Variants in UVRAG observed in about 807,000 individuals in gnomAD.
UVRAG encodes the protein UV radiation resistance-associated gene protein.
Under a neutral mutation model 78.0 loss-of-function variants are expected in UVRAG, and 19 were observed. The observed-to-expected ratio is 0.24, with a 90% CI of 0.17 to 0.36. The LOEUF is 0.36. UVRAG is among the 10% of genes least tolerant of loss of function. UVRAG has a pLI of 1.00. For missense variants in UVRAG, 740 were observed against 853.8 expected, an observed-to-expected ratio of 0.87 and a Z score of 1.66; for synonymous variants, 323 against 324.6, an observed-to-expected ratio of 1.00 and a Z score of 0.05.
chr11:75,893,188 GA>G (rs1165502803), intron 5 of UVRAG, among the ~76,000 whole-genome samples: 2 of 149,248 alleles, frequency 1.3e-5, no homozygotes, highest in African/African-American at 5.0e-5. Flanking sequence ...AAAAAAAAAA[GA>G]AAAAAAGAAG....
At chr11:75,857,488 T>TCCCCC (rs370170667) in intron 2 of UVRAG, among the ~76,000 whole-genome samples, 16 of 148,498 alleles carry the variant, frequency 1.1e-4, no homozygotes, top group African/African-American at 3.8e-4. Flanking sequence ...TCTTTCTTTT[T>TCCCCC]CCCCCCCCCT....
chr11:75,883,386 A>G (rs1001631883), intron 4 of UVRAG, among the ~76,000 whole-genome samples: 5 of 151,276 alleles, frequency 3.3e-5, no homozygotes, highest in African/African-American at 1.2e-4. Flanking sequence ...AAAAAAAGAA[A>G]AGAAAAAAAA....
At chr11:76,074,843 A>G (rs1374117389) in intron 13 of UVRAG, among the ~76,000 whole-genome samples, 2 of 152,332 alleles carry the variant, frequency 1.3e-5, no homozygotes, top group Admixed American at 1.3e-4. Context: ...AAGAGCTAAA[A>G]TTAGAACCTG....
chr11:75,911,609 C>A, intron 5 of UVRAG: 1 of 195,364 alleles, frequency 5.1e-6, no homozygotes, highest in South Asian at 1.1e-4. Flanking sequence ...CAAATCTGCT[C>A]TGCCCCCTCG....
chr11:75,962,203 G>T (rs1320625896), intron 7 of UVRAG, among the ~76,000 whole-genome samples: 1 of 151,758 alleles, frequency 6.6e-6, no homozygotes, highest in Non-Finnish European at 1.5e-5. Context: ...GCTGTGGATT[G>T]GACTTAAAAT....
intron 12 of UVRAG, among the ~76,000 whole-genome samples, chr11:76,064,700 CTTTAT>C (rs1414900569): frequency 1.3e-5 from 2 of 152,186 alleles, no homozygotes; most frequent in East Asian, 3.9e-4. Context: ...ATTCTATTTC[CTTTAT>C]TTTATTTTCT....
intron 12 of UVRAG, 141 bp from the exon 13 acceptor site, chr11:76,065,569 G>T: frequency 1.6e-6 from 1 of 628,110 alleles, no homozygotes; most frequent in South Asian, 2.2e-5. Context: ...GATGTCAGTA[G>T]ATTGCAATGA....
chr11:75,817,173 T>A (rs1400034320), intron 1 of UVRAG, among the ~76,000 whole-genome samples: 1 of 152,032 alleles, frequency 6.6e-6, no homozygotes, highest in Non-Finnish European at 1.5e-5. Context: ...AGGTAGAGTG[T>A]GAGAGTGGTT....
intron 1 of UVRAG, among the ~76,000 whole-genome samples, chr11:75,844,291 T>G (rs1945986128): frequency 6.6e-6 from 1 of 151,882 alleles, no homozygotes; most frequent in African/African-American, 2.4e-5. Context: ...GCAGTGGCAC[T>G]ATCTCGGCTC....
intron 12 of UVRAG, 59 bp downstream of exon 12, chr11:76,017,039 T>C (rs916043578): frequency 3.3e-5 from 41 of 1,242,306 alleles, no homozygotes; most frequent in African/African-American, 1.2e-4. Flanking sequence ...AAACATGGGG[T>C]ATAACAAAAT....
At chr11:76,071,059 GAA>G (rs1951297401) in intron 13 of UVRAG, among the ~76,000 whole-genome samples, 1 of 152,152 alleles carries the variant, frequency 6.6e-6, no homozygotes, top group South Asian at 2.1e-4. Flanking sequence ...TTTAATAAAA[GAA>G]AAAGAAAGAT....
chr11:75,935,172 GAAGT>G (rs1371054159), intron 6 of UVRAG: 1 of 152,172 alleles, frequency 6.6e-6, no homozygotes, highest in African/African-American at 2.4e-5. Context: ...AGAAGACAGG[GAAGT>G]AAGTAGTCAT....
At chr11:75,880,744 A>G (rs1368737394) in intron 4 of UVRAG, among the ~76,000 whole-genome samples, 1 of 151,100 alleles carries the variant, frequency 6.6e-6, no homozygotes, top group Admixed American at 6.6e-5. Context: ...TAGTAGAGAC[A>G]GGGTTTCTCC....
intron 13 of UVRAG, among the ~76,000 whole-genome samples, chr11:76,067,766 A>T (rs142385131): frequency 6.6e-6 from 1 of 152,116 alleles, no homozygotes; most frequent in Non-Finnish European, 1.5e-5. Flanking sequence ...CTCAAAAAAA[A>T]AAAAGTGCTC....
At chr11:76,004,134 G>A in intron 9 of UVRAG, 45 bp downstream of exon 9, 1 of 1,579,012 alleles carries the variant, frequency 6.3e-7, no homozygotes, top group Non-Finnish European at 8.7e-7. Flanking sequence ...GGAGTTTACT[G>A]CGAGGATAGA....
intron 14 of UVRAG, among the ~76,000 whole-genome samples, chr11:76,125,131 C>A (rs1413910534): frequency 6.6e-6 from 1 of 152,210 alleles, no homozygotes; most frequent in Non-Finnish European, 1.5e-5. Flanking sequence ...TGTTGTCTAG[C>A]TGACGTTGGT....
intron 1 of UVRAG, among the ~76,000 whole-genome samples, chr11:75,849,350 A>C (rs931349327): frequency 6.6e-6 from 1 of 151,178 alleles, no homozygotes. Context: ...CTAAAAATAC[A>C]AAAAAATTAG....
chr11:76,055,648 GAGCTC>G (rs1389461836), intron 12 of UVRAG, among the ~76,000 whole-genome samples: 4 of 152,122 alleles, frequency 2.6e-5, no homozygotes, highest in Admixed American at 2.0e-4. Context: ...TGATTAACCA[GAGCTC>G]AGTATTTGTT....
intron 13 of UVRAG, among the ~76,000 whole-genome samples, chr11:76,097,350 C>G (rs1003396170): frequency 6.6e-6 from 1 of 152,146 alleles, no homozygotes; most frequent in African/African-American, 2.4e-5. Context: ...CTGTTTCTCA[C>G]GTTCTCTCGT....
Sources: gnomAD v4.1 joint callset for allele counts (sites outside exome capture counted in the v4.1 genomes callset) on GRCh38, gnomAD v4.1.1 for gene constraint, MANE v1.5 for transcripts, NCBI Gene and HGNC (gene_info 2026-07-23, HGNC 2026-07-21) for gene names.